The following DNAH3 variants were observed in gnomAD, a reference collection of about 807,000 sequenced individuals.
DNAH3 encodes the protein axonemal beta dynein heavy chain 3.
In DNAH3, 332 loss-of-function variants were observed where a neutral mutation model predicts 432.5. The ratio of observed to expected loss-of-function variants is 0.77; its 90% CI spans 0.70 to 0.84. The LOEUF (loss-of-function observed/expected upper bound fraction) is 0.84. Ranked by LOEUF, DNAH3 falls within the 40% of genes least tolerant of loss-of-function variation. The probability of loss-of-function intolerance (pLI) is 0.00; values close to 1 mark genes in which losing one functional copy is unlikely to be tolerated. For missense variants in DNAH3, 4,861 were observed against 5,114.0 expected (o/e 0.95, Z 1.51); for synonymous variants, 1,956 against 1,900.2 (o/e 1.03, Z -0.76).
intron 56 of DNAH3, 48 bp downstream of exon 56, chr16:20,952,385 G>T: frequency 8.7e-7 from 1 of 1,153,644 alleles, no homozygotes; most frequent in Non-Finnish European, 1.3e-6. Context: ...CAGGAGGGTG[G>T]AACATGATAC....
At chr16:21,064,860 G>GGGGTGT (rs1199844083) in intron 24 of DNAH3, among the ~76,000 whole-genome samples, 1 of 131,700 alleles carries the variant, frequency 7.6e-6, no homozygotes, top group African/African-American at 2.7e-5. Flanking sequence ...TATTGAGGTA[G>GGGGTGT]GTGTGTGTGT....
intron 52 of DNAH3, among the ~76,000 whole-genome samples, chr16:20,968,669 T>C (rs2085171452): frequency 6.6e-6 from 1 of 151,724 alleles, no homozygotes; most frequent in Admixed American, 6.6e-5. Context: ...TCTTTGTTCA[T>C]CTGTCCCTCT....
intron 18 of DNAH3, among the ~76,000 whole-genome samples, chr16:21,089,327 A>G (rs562609679): frequency 2.0e-5 from 3 of 152,348 alleles, no homozygotes; most frequent in African/African-American, 7.2e-5. Context: ...TGTCTAGCAC[A>G]GTAACAGCCC....
At chr16:21,117,132 T>C in intron 12 of DNAH3, 71 bp downstream of exon 12, 1 of 1,007,882 alleles carries the variant, frequency 9.9e-7, no homozygotes, top group South Asian at 1.5e-5. Context: ...AATACCTTAT[T>C]GGATGAGAGT....
chr16:20,935,220 G>T, intron 61 of DNAH3, 128 bp downstream of exon 61: 2 of 1,076,970 alleles, frequency 1.9e-6, no homozygotes, highest in Non-Finnish European at 2.7e-6. Context: ...TATGCTAAAT[G>T]CTTCATATGT....
exon 53 of DNAH3, chr16:20,964,511 C>T (rs758853839): frequency 4.3e-6 from 7 of 1,614,046 alleles, no homozygotes; most frequent in South Asian, 2.2e-5. Context: ...TCAATCAAGA[C>T]AGGGGTGCCT....
rs1380442159 is a variant in DNAH3, at chr16:20,965,169, C to T, written c.8715G>A (p.Arg2905=). The T allele has an allele frequency of 1.2e-6, 2 of 1,614,098 alleles. 1 individual carries two copies. Among genetic ancestry groups the T allele is most frequent in the South Asian group, 2.2e-5 (2 of 91,082 alleles). The change falls in exon 53 of 62, where the codon CGG becomes CGA. Residue 2905 remains arginine (R), a synonymous_variant. Transcript: ENST00000261383. ...TCCCCTCTGCCTCCCTCAGTCGCTC[C>T]CGTTTGGGAGCCACCACCTTGGCCA...
At chr16:20,961,596 T>C (rs2084822389) in intron 53 of DNAH3, among the ~76,000 whole-genome samples, 1 of 151,792 alleles carries the variant, frequency 6.6e-6, no homozygotes, top group South Asian at 2.1e-4. Context: ...GATATCCTTA[T>C]GAGAAGAGGA....
chr16:21,112,536 C>G (rs2092100353), intron 12 of DNAH3, among the ~76,000 whole-genome samples: 1 of 152,164 alleles, frequency 6.6e-6, no homozygotes, highest in Admixed American at 6.5e-5. Context: ...GATAAACCAT[C>G]AGATCTCATT....
chr16:20,989,286 C>A (rs4389133), intron 44 of DNAH3, among the ~76,000 whole-genome samples: 2 of 151,416 alleles, frequency 1.3e-5, no homozygotes, highest in African/African-American at 2.4e-5. Flanking sequence ...AGATACAGAG[C>A]ATCTACACAA....
chr16:21,097,214 C>A (rs2091707537), intron 18 of DNAH3, 141 bp downstream of exon 18: 3 of 985,932 alleles, frequency 3.0e-6, no homozygotes, highest in East Asian at 4.9e-5. Flanking sequence ...ATAATTTTGA[C>A]TGTGGCTGCC....
At chr16:21,084,259 T>G (rs2152776952) in intron 19 of DNAH3, among the ~76,000 whole-genome samples, 1 of 152,312 alleles carries the variant, frequency 6.6e-6, no homozygotes, top group South Asian at 2.1e-4. Context: ...GCACCATAGC[T>G]GGTACTCAGT....
chr16:20,986,535 A>G (rs995933854), intron 47 of DNAH3, among the ~76,000 whole-genome samples: 2 of 152,134 alleles, frequency 1.3e-5, no homozygotes, highest in African/African-American at 4.8e-5. Context: ...TTGTTAAAAG[A>G]AAGGACATTA....
intron 38 of DNAH3, among the ~76,000 whole-genome samples, chr16:21,026,227 C>T (rs769523234): frequency 6.6e-6 from 1 of 152,090 alleles, no homozygotes; most frequent in Non-Finnish European, 1.5e-5. Flanking sequence ...AAACTGTTTC[C>T]AAAGTACTTG....
intron 32 of DNAH3, among the ~76,000 whole-genome samples, chr16:21,040,358 A>ATCTTTTTTTTT (rs771791969): frequency 0.01 from 817 of 79,744 alleles, 117 homozygotes; most frequent in Middle Eastern, 0.039. Flanking sequence ...AGCCAGACAG[A>ATCTTTTTTTTT]TTTTTTTTTT....
At chr16:21,041,999 C>T in intron 32 of DNAH3, 28 bp downstream of exon 32, 2 of 1,612,992 alleles carry the variant, frequency 1.2e-6, no homozygotes, top group Non-Finnish European at 1.7e-6. Flanking sequence ...AAAAAGCACA[C>T]CCCACATGTA....
chr16:21,066,752 A>T (rs1016665584), intron 24 of DNAH3, among the ~76,000 whole-genome samples: 1 of 152,220 alleles, frequency 6.6e-6, no homozygotes, highest in African/African-American at 2.4e-5. Flanking sequence ...GTATAAGCAT[A>T]CCTATCAGAA....
chr16:21,123,722 G>A (rs933571358), intron 9 of DNAH3, among the ~76,000 whole-genome samples: 15 of 152,002 alleles, frequency 9.9e-5, no homozygotes, highest in South Asian at 2.1e-4. Flanking sequence ...AATATTCATC[G>A]ATTTTTAGGC....
chr16:21,152,219 C>T (rs532645709), intron 1 of DNAH3, among the ~76,000 whole-genome samples: 10 of 151,774 alleles, frequency 6.6e-5, no homozygotes, highest in South Asian at 6.3e-4. Context: ...GCAACAAGAG[C>T]GAAACTCCAT....
Sources: gnomAD v4.1 joint callset for allele counts (sites outside exome capture counted in the v4.1 genomes callset) on GRCh38, gnomAD v4.1.1 for gene constraint, MANE v1.5 for transcripts, NCBI Gene and HGNC (gene_info 2026-07-23, HGNC 2026-07-21) for gene names.